The following LDLRAD4 variants were observed in gnomAD, a reference collection of about 807,000 sequenced individuals.
LDLRAD4 encodes low density lipoprotein receptor class A domain containing 4.
A neutral mutation model predicts 17.0 loss-of-function variants in LDLRAD4; 5 were observed. That is an observed-to-expected ratio of 0.29 (90% CI 0.15 to 0.62). The LOEUF (loss-of-function observed/expected upper bound fraction) is 0.62. Among genes scored for constraint, LDLRAD4 ranks in the 20% least tolerant of loss-of-function variants. The pLI is 0.84. For missense variants in LDLRAD4, 340 were observed against 424.7 expected (o/e 0.80, Z 1.75); for synonymous variants, 168 against 171.8 (o/e 0.98, Z 0.17).
chr18:13,644,855 G>A (rs1336262675), intron 5 of LDLRAD4: 1 of 444,560 alleles, frequency 2.2e-6, no homozygotes. Flanking sequence ...GAAACTCCCA[G>A]GAGCCCAAGC....
At chr18:13,424,832 G>A (rs991516685) in intron 2 of LDLRAD4, among the ~76,000 whole-genome samples, 2 of 152,230 alleles carry the variant, frequency 1.3e-5, no homozygotes, top group African/African-American at 2.4e-5. Context: ...GGCCTCCAGG[G>A]GGATGTGTAG....
intron 1 of LDLRAD4, among the ~76,000 whole-genome samples, chr18:13,322,021 T>G (rs762056631): frequency 2.0e-5 from 3 of 150,864 alleles, no homozygotes; most frequent in Non-Finnish European, 4.4e-5. Context: ...AAACTAGCAA[T>G]GCTTGTTCTT....
At chr18:13,473,683 T>G (rs2092855414) in intron 3 of LDLRAD4, among the ~76,000 whole-genome samples, 1 of 77,138 alleles carries the variant, frequency 1.3e-5, no homozygotes, top group Non-Finnish European at 2.8e-5. Flanking sequence ...ATATATAACG[T>G]TTACATTTTA....
At chr18:13,379,062 C>A (rs555948248) in intron 1 of LDLRAD4, among the ~76,000 whole-genome samples, 1 of 152,330 alleles carries the variant, frequency 6.6e-6, no homozygotes, top group African/African-American at 2.4e-5. Context: ...CACAATGGCT[C>A]CATCAGGCCA....
At chr18:13,618,070 A>G (rs1462815926) in intron 3 of LDLRAD4, among the ~76,000 whole-genome samples, 2 of 152,256 alleles carry the variant, frequency 1.3e-5, no homozygotes, top group East Asian at 1.9e-4. Flanking sequence ...AAAAAAGAAA[A>G]AAAGCAAGCC....
chr18:13,603,231 C>A (rs896109461), intron 3 of LDLRAD4, among the ~76,000 whole-genome samples: 3 of 152,110 alleles, frequency 2.0e-5, no homozygotes, highest in African/African-American at 7.3e-5. Context: ...GTTTCTAGGA[C>A]CATCTTCCCT....
intron 1 of LDLRAD4, among the ~76,000 whole-genome samples, chr18:13,262,585 C>A (rs531994667): frequency 1.9e-4 from 18 of 94,708 alleles, no homozygotes; most frequent in Non-Finnish European, 2.6e-4. Context: ...CGGCTCCGTG[C>A]GTTGGGGCTG....
chr18:13,533,835 C>CTT (rs1310299583), intron 3 of LDLRAD4, among the ~76,000 whole-genome samples: 1 of 152,172 alleles, frequency 6.6e-6, no homozygotes, highest in Non-Finnish European at 1.5e-5. Context: ...TCTGATGTGC[C>CTT]TTTCACTGAA....
chr18:13,276,933 C>T (rs935141215), upstream of LDLRAD4, among the ~76,000 whole-genome samples: 4 of 152,074 alleles, frequency 2.6e-5, no homozygotes, highest in African/African-American at 7.2e-5. Flanking sequence ...TGAGCGTTTG[C>T]GTCCTAGGAA....
intron 3 of LDLRAD4, among the ~76,000 whole-genome samples, chr18:13,528,213 C>T (rs1226504906): frequency 6.6e-6 from 1 of 152,222 alleles, no homozygotes; most frequent in Non-Finnish European, 1.5e-5. Flanking sequence ...CACAGTGACT[C>T]CTAGCCCACA....
rs144098187 is a variant in LDLRAD4 at position 13,287,823 on chromosome 18, T to G, written c.-383+9635T>G. ...GCTTCCTACAATTTAGAATAATTAGTGGAAGAATGACTAGAAAATACTGAC... is the reference window on the plus strand; with the variant it reads ...GCTTCCTACAATTTAGAATAATTAGGGGAAGAATGACTAGAAAATACTGAC... On this transcript the variant is annotated intron_variant, in intron 1 of 5. Coordinates refer to ENST00000359446, the Ensembl canonical transcript of LDLRAD4. Among the ~76,000 whole-genome samples the G allele has an allele frequency of 7.5e-3, 1,148 of 152,276 alleles. 11 individuals carry two copies. The highest frequency in any genetic ancestry group is 0.026 in the African/African-American group (1,093 of 41,560).
chr18:13,226,213 G>GTTT (rs2041796349), intron 1 of LDLRAD4, among the ~76,000 whole-genome samples: 11 of 25,598 alleles, frequency 4.3e-4, no homozygotes, highest in East Asian at 3.0e-3. Context: ...TAGAGACCGG[G>GTTT]TTTCGCCATG....
chr18:13,426,378 T>C (rs1198493272), intron 2 of LDLRAD4, among the ~76,000 whole-genome samples: 1 of 152,214 alleles, frequency 6.6e-6, no homozygotes, highest in Non-Finnish European at 1.5e-5. Flanking sequence ...TCAAAAAATA[T>C]TTTGTCTTTG....
intron 3 of LDLRAD4, among the ~76,000 whole-genome samples, chr18:13,557,427 G>A (rs1312321050): frequency 2.0e-5 from 3 of 151,944 alleles, no homozygotes; most frequent in East Asian, 1.9e-4. Flanking sequence ...TTGAGATTGA[G>A]TCTCGCTCTT....
chr18:13,510,152 A>G (rs1038570686), intron 3 of LDLRAD4, among the ~76,000 whole-genome samples: 3 of 152,176 alleles, frequency 2.0e-5, no homozygotes, highest in African/African-American at 4.8e-5. Context: ...TGTGAACCGT[A>G]TTGTTCAGAG....
At chr18:13,521,198 C>A (rs1169757411) in intron 3 of LDLRAD4, 1 of 152,260 alleles carries the variant, frequency 6.6e-6, no homozygotes, top group Non-Finnish European at 1.5e-5. Context: ...CTCTTGATCG[C>A]TGGCACTCGT....
At chr18:13,302,715 T>G (rs1316629044) in intron 1 of LDLRAD4, among the ~76,000 whole-genome samples, 5 of 152,152 alleles carry the variant, frequency 3.3e-5, no homozygotes, top group Non-Finnish European at 5.9e-5. Flanking sequence ...GAGGAAAACA[T>G]GCACTGCTGT....
At chr18:13,492,160 G>A (rs947131635) in intron 3 of LDLRAD4, among the ~76,000 whole-genome samples, 3 of 152,086 alleles carry the variant, frequency 2.0e-5, no homozygotes, top group African/African-American at 7.2e-5. Flanking sequence ...CTAGAAACAG[G>A]CCACGCTCTT....
chr18:13,286,654 C>A (rs1230751311), intron 1 of LDLRAD4, among the ~76,000 whole-genome samples: 1 of 152,212 alleles, frequency 6.6e-6, no homozygotes, highest in Non-Finnish European at 1.5e-5. Context: ...GATGTGGGAA[C>A]CACTGCACTT....
Sources: allele counts gnomAD v4.1 joint callset (sites outside exome capture counted in the v4.1 genomes callset), GRCh38; gene constraint gnomAD v4.1.1; transcripts MANE v1.5; gene names NCBI Gene and HGNC (gene_info 2026-07-23, HGNC 2026-07-21).